Variants in CLEC12B observed in about 807,000 individuals in gnomAD.
CLEC12B encodes C-type lectin domain family 12 member B, also known as macrophage antigen h.
In CLEC12B, 25 loss-of-function variants were observed where a neutral mutation model predicts 36.1. That is an observed-to-expected ratio of 0.69 (90% CI 0.50 to 0.97). The LOEUF (loss-of-function observed/expected upper bound fraction) is 0.97, where lower values mean the gene tolerates loss of function less well. Ranked by LOEUF, CLEC12B falls within the 50% of genes least tolerant of loss-of-function variation. CLEC12B has a pLI of 0.00. For missense variants in CLEC12B, 325 were observed against 318.4 expected, an observed-to-expected ratio of 1.02 and a Z score of -0.16; for synonymous variants, 110 against 108.5, an observed-to-expected ratio of 1.01 and a Z score of -0.09.
At chr12:10,006,793 C>T (rs10400513), upstream of CLEC12B, among the ~76,000 whole-genome samples, 53,200 of 151,752 alleles carry the variant, frequency 0.35, 9,642 homozygotes, top group Middle Eastern at 0.39. Flanking sequence ...TGGTGGCTCA[C>T]GCCTGTAATC....
upstream of CLEC12B, among the ~76,000 whole-genome samples, chr12:10,009,079 A>C (rs1278587825): frequency 6.6e-6 from 1 of 152,202 alleles, no homozygotes; most frequent in Non-Finnish European, 1.5e-5. Flanking sequence ...AAAAAAGGTC[A>C]GTCTGATACG....
Position 10,018,569 on chromosome 12 carries a change from C to A in CLEC12B, c.*88C>A. On this transcript the variant is annotated 3_prime_UTR_variant, in exon 6 of 6. Coordinates refer to ENST00000338896, the MANE Select transcript of CLEC12B (RefSeq NM_001129998.3). ...GGAAACTACGGTACCAGAGCCAAAC[C>A]AGCTTTTAAAATGACTGTGTATTTA... The A allele has an allele frequency of 9.1e-7, 1 of 1,093,904 alleles. No homozygotes were observed. Among genetic ancestry groups the A allele is most frequent in the Non-Finnish European group, 1.3e-6 (1 of 761,968 alleles). The allele number at this position is 1,093,904 out of a possible 1,614,324, so 67.8% of individuals were successfully genotyped here.
At chr12:10,008,926 G>C (rs945033058), upstream of CLEC12B, among the ~76,000 whole-genome samples, 1 of 152,148 alleles carries the variant, frequency 6.6e-6, no homozygotes, top group African/African-American at 2.4e-5. Context: ...TTCCTGAATC[G>C]AGTGGGGACT....
upstream of CLEC12B, among the ~76,000 whole-genome samples, chr12:10,006,794 G>A (rs1002312296): frequency 2.0e-5 from 3 of 152,252 alleles, no homozygotes; most frequent in East Asian, 5.8e-4. Flanking sequence ...GGTGGCTCAC[G>A]CCTGTAATCT....
upstream of CLEC12B, among the ~76,000 whole-genome samples, chr12:10,007,553 C>T (rs1654867318): frequency 6.6e-6 from 1 of 151,954 alleles, no homozygotes; most frequent in Non-Finnish European, 1.5e-5. Flanking sequence ...AATGGAAAAG[C>T]CAGGTTATCC....
chr12:10,018,217 A>C, intron 5 of CLEC12B, 114 bp from the exon 6 acceptor site: 2 of 724,262 alleles, frequency 2.8e-6, no homozygotes, highest in Non-Finnish European at 4.1e-6. Flanking sequence ...TTGTGGAGGC[A>C]GAAGTCTCTC....
intron 1 of CLEC12B, among the ~76,000 whole-genome samples, chr12:10,011,193 A>G (rs1189019521): frequency 6.6e-6 from 1 of 152,222 alleles, no homozygotes; most frequent in Non-Finnish European, 1.5e-5. Context: ...TCTTTCAGAA[A>G]CCAGATTGGA....
At chr12:10,014,082 A>G (rs1865410442) in intron 2 of CLEC12B, among the ~76,000 whole-genome samples, 2 of 152,186 alleles carry the variant, frequency 1.3e-5, no homozygotes, top group South Asian at 4.1e-4. Flanking sequence ...TATGCCATTA[A>G]GATCTGCTTT....
rs747989491 is a variant in CLEC12B at position 10,012,865 on chromosome 12, G to A, written c.172G>A (p.Val58Met). The change falls in exon 2 of 6, where the codon GTG becomes ATG. Residue 58 changes from valine to methionine, a missense_variant. Transcript: ENST00000338896. ...TLCLMLLIGL[V>M]TLGMMFLQIS... is the part of the protein sequence containing the mutation. ...TTGCCTGATGTTGCTGATTGGGCTG[G>A]TGACATTGGGGATGATGTGTAAGTA... The A allele has an allele frequency of 2.5e-6, 4 of 1,613,006 alleles. No homozygotes were observed. Among genetic ancestry groups the A allele is most frequent in the Admixed American group, 1.7e-5 (1 of 60,016 alleles).
At chr12:10,016,986 A>G (rs1025793144) in intron 5 of CLEC12B, 1 of 981,784 alleles carries the variant, frequency 1.0e-6, no homozygotes, top group African/African-American at 1.8e-5. Context: ...CATGTTGTCA[A>G]CGTTTTCTTA....
In CLEC12B at chr12:10,010,708, T is replaced by G. The variant is rs955063224; in HGVS notation, c.-52T>G. On this transcript the variant is annotated 5_prime_UTR_variant, in exon 1 of 6. Transcript: ENST00000338896. Reference sequence around the variant, plus strand: ...GAAAAACACATGCTGTTCCCAGGCCTCAAGATATTGAAACATTAATTAGAT... The same window carrying G: ...GAAAAACACATGCTGTTCCCAGGCCGCAAGATATTGAAACATTAATTAGAT... The G allele has an allele frequency of 5.4e-5, 67 of 1,233,914 alleles. No individual in the cohort carries two copies. The highest frequency in any genetic ancestry group is 7.6e-5 in the Non-Finnish European group (65 of 850,570). 76.4% of individuals were successfully genotyped at this position (1,233,914 alleles called of 1,614,324 possible). A position where few individuals can be genotyped will look rare whatever the true frequency, so the allele number is the denominator to read the frequency against.
intron 1 of CLEC12B, among the ~76,000 whole-genome samples, chr12:10,011,354 A>G (rs1865323185): frequency 2.6e-5 from 4 of 152,180 alleles, no homozygotes; most frequent in Non-Finnish European, 5.9e-5. Context: ...GGTAGTTGAA[A>G]TCCGAGCATA....
Position 10,015,625 on chromosome 12 carries a change from C to T in CLEC12B, c.578C>T (p.Ser193Leu). 1 of 1,613,644 alleles carries T rather than the reference C, an allele frequency of 6.2e-7. No individual in the cohort carries two copies. Among genetic ancestry groups the T allele is most frequent in the South Asian group, 1.1e-5 (1 of 91,052 alleles). The change falls in exon 5 of 6, where the codon TCA becomes TTA. Residue 193 changes from serine to leucine, a missense_variant. Physicochemically the swap from Ser to Leu is moderately radical, Grantham distance 145 (BLOSUM62 -2). Coordinates refer to ENST00000338896, the MANE Select transcript of CLEC12B (RefSeq NM_001129998.3). ...DSLEEKDFLM[S>L]QPLLMFSFFW... ...TTTCTCTCTTAGGATTTTCTTATGT[C>T]ACAGCCATTACTCATGTTTTCGTTC...
chr12:10,017,757 T>G, intron 5 of CLEC12B: 1 of 877,088 alleles, frequency 1.1e-6, no homozygotes, highest in Non-Finnish European at 1.4e-6. Flanking sequence ...AGTATAATTT[T>G]CTAAAGACAT....
intron 1 of CLEC12B, among the ~76,000 whole-genome samples, chr12:10,011,777 G>A (rs1017170060): frequency 1.3e-5 from 2 of 152,198 alleles, no homozygotes; most frequent in African/African-American, 4.8e-5. Flanking sequence ...TTTGAGGGAA[G>A]GATATTTACA....
upstream of CLEC12B, among the ~76,000 whole-genome samples, chr12:10,010,167 G>GTC (rs1295770472): frequency 1.2e-4 from 15 of 129,134 alleles, no homozygotes; most frequent in African/African-American, 3.8e-4. Context: ...CTCTCTCTCT[G>GTC]TCTCTCTCTC....
upstream of CLEC12B, among the ~76,000 whole-genome samples, chr12:10,008,367 C>T (rs1363928208): frequency 2.6e-5 from 4 of 151,998 alleles, no homozygotes; most frequent in Non-Finnish European, 2.9e-5. Context: ...CAACTGATTT[C>T]TGAGTGTGGG....
At chr12:10,013,181 C>T (rs759022602) in intron 2 of CLEC12B, 14 of 367,730 alleles carry the variant, frequency 3.8e-5, no homozygotes, top group East Asian at 1.5e-4. Context: ...CACACATTCA[C>T]TTATCATTCC....
upstream of CLEC12B, among the ~76,000 whole-genome samples, chr12:10,007,247 T>C (rs114421141): frequency 0.028 from 4,183 of 151,904 alleles, 127 homozygotes; most frequent in African/African-American, 0.06. Flanking sequence ...CTTGTTTTAA[T>C]ATAGGAGATA....
Sources: allele counts gnomAD v4.1 joint callset (sites outside exome capture counted in the v4.1 genomes callset), GRCh38; gene constraint gnomAD v4.1.1; transcripts MANE v1.5; gene names NCBI Gene and HGNC (gene_info 2026-07-23, HGNC 2026-07-21).